COQ5: variants seen among roughly 807,000 people sequenced by gnomAD.
COQ5 encodes the protein 2-methoxy-6-polyprenyl-1,4-benzoquinol methylase, mitochondrial.
In COQ5, 27 loss-of-function variants were observed where a neutral mutation model predicts 40.5. The observed-to-expected ratio is 0.67, with a 90% CI of 0.49 to 0.92. The LOEUF is 0.92. Among genes scored for constraint, COQ5 ranks in the 40% least tolerant of loss-of-function variants. COQ5 has a pLI of 0.00. For missense variants in COQ5, 409 were observed against 406.4 expected, an observed-to-expected ratio of 1.01 and a Z score of -0.06; for synonymous variants, 141 against 150.0, an observed-to-expected ratio of 0.94 and a Z score of 0.44.
chr12:120,528,866 C>T (rs1300883279), intron 1 of COQ5, 74 bp downstream of exon 1: 6 of 1,357,330 alleles, frequency 4.4e-6, no homozygotes, highest in South Asian at 1.2e-5. Context: ...GATGTTAAAT[C>T]AACCCTAACT....
At chr12:120,509,886 G>A in intron 4 of COQ5, 131 bp downstream of exon 4, 1 of 728,436 alleles carries the variant, frequency 1.4e-6, no homozygotes, top group East Asian at 2.8e-5. Flanking sequence ...AGGAGTTTGA[G>A]ACTAGCCTGG....
chr12:120,519,007 A>G (rs2137088116), intron 2 of COQ5, among the ~76,000 whole-genome samples: 1 of 152,346 alleles, frequency 6.6e-6, no homozygotes, highest in East Asian at 1.9e-4. Context: ...GGGATATTGT[A>G]TACATTGTTA....
Position 120,510,106 on chromosome 12 carries a change from C to T in COQ5, c.592G>A (p.Gly198Arg), listed in dbSNP as rs1254800895. 1 of 1,613,726 alleles carries T rather than the reference C, an allele frequency of 6.2e-7. No homozygotes were observed. Among genetic ancestry groups the T allele is most frequent in the African/African-American group, 1.3e-5 (1 of 74,992 alleles). Reference sequence around the variant, plus strand: ...TCAAAGGGCAGTTCTTCAGCATCTCCTAATACCCATGCAAGTCCTGAAAGA... The same window carrying T: ...TCAAAGGGCAGTTCTTCAGCATCTCTTAATACCCATGCAAGTCCTGAAAGA... ...GYRAGLAWVL[G>R]DAEELPFDDD... Residue 198 changes from glycine to arginine, a missense_variant, in exon 4 of 7, where the codon GGA becomes AGA. Transcript: ENST00000288532.
At chr12:120,511,494 T>C (rs1869135952) in intron 3 of COQ5, among the ~76,000 whole-genome samples, 1 of 151,034 alleles carries the variant, frequency 6.6e-6, no homozygotes, top group African/African-American at 2.4e-5. Context: ...TCAGAAAGGT[T>C]TAAAGTCTGA....
intron 1 of COQ5, among the ~76,000 whole-genome samples, chr12:120,524,503 G>A (rs1199739614): frequency 2.0e-5 from 3 of 151,810 alleles, no homozygotes; most frequent in South Asian, 2.1e-4. Flanking sequence ...CTCGTGATCC[G>A]CCCGCCTCGG....
chr12:120,510,866 A>AGCCT (rs1691120129), intron 3 of COQ5, among the ~76,000 whole-genome samples: 1 of 152,162 alleles, frequency 6.6e-6, no homozygotes, highest in African/African-American at 2.4e-5. Context: ...AACATTATAC[A>AGCCT]ACCTACAGCG....
intron 1 of COQ5, chr12:120,523,449 C>T (rs1869774533): frequency 2.6e-6 from 1 of 378,460 alleles, no homozygotes; most frequent in Non-Finnish European, 5.1e-6. Flanking sequence ...GCCATGTCTG[C>T]ACTGGTCCTC....
chr12:120,511,253 T>C (rs1335812340), intron 3 of COQ5, among the ~76,000 whole-genome samples: 1 of 130,198 alleles, frequency 7.7e-6, no homozygotes, highest in Non-Finnish European at 1.7e-5. Context: ...CGAGACTCTG[T>C]CTCAAAAAAA....
chr12:120,528,819 A>C, intron 1 of COQ5, 121 bp downstream of exon 1: 3 of 976,074 alleles, frequency 3.1e-6, no homozygotes. Flanking sequence ...AAAAAAAAAA[A>C]TCATAACTGC....
chr12:120,510,524 G>A (rs73403943), intron 3 of COQ5, among the ~76,000 whole-genome samples: 24,859 of 151,942 alleles, frequency 0.16, 2,605 homozygotes, highest in African/African-American at 0.3. Context: ...ATCTTGCCCA[G>A]GCTGGTCTCA....
chr12:120,514,091 T>A (rs950528494), intron 3 of COQ5, among the ~76,000 whole-genome samples: 2 of 152,190 alleles, frequency 1.3e-5, no homozygotes, highest in Non-Finnish European at 2.9e-5. Flanking sequence ...CCGTTCTTTA[T>A]GGCTGAGTAC....
intron 4 of COQ5, among the ~76,000 whole-genome samples, chr12:120,508,629 G>A (rs1868988935): frequency 6.6e-6 from 1 of 152,176 alleles, no homozygotes; most frequent in African/African-American, 2.4e-5. Context: ...ACAAGAAGCT[G>A]GTGACTGTCT....
In COQ5 at chr12:120,522,265, T is replaced by G. The variant is rs776731777; in HGVS notation, c.301A>C (p.Lys101Gln). The change falls in exon 2 of 7, where the codon AAG (lysine) becomes CAG (glutamine). Residue 101 changes from lysine (K) to glutamine (Q), a missense_variant. Physicochemically the swap from Lys to Gln is moderately conservative, Grantham distance 53. Coordinates refer to ENST00000288532, the MANE Select transcript of COQ5 (RefSeq NM_032314.4). ...HRVWKDLLLW[K>Q]MHPLPGTQLL... is the part of the protein sequence containing the mutation. ...TGGGTCCCAGGAAGCGGGTGCATCT[T>G]CCAGAGCAGCAAATCCTTCCAAACA... 2 of 1,614,124 alleles carry G rather than the reference T, an allele frequency of 1.2e-6. No individual in the cohort carries two copies. The highest frequency in any genetic ancestry group is 2.2e-5 in the South Asian group (2 of 91,076).
intron 2 of COQ5, among the ~76,000 whole-genome samples, chr12:120,518,740 T>A (rs1374448649): frequency 6.6e-6 from 1 of 152,060 alleles, no homozygotes; most frequent in Admixed American, 6.6e-5. Flanking sequence ...AATTTTTGTA[T>A]TTTTAGTAGA....
At chr12:120,519,901 T>C (rs776339198) in intron 2 of COQ5, among the ~76,000 whole-genome samples, 1 of 147,746 alleles carries the variant, frequency 6.8e-6, no homozygotes, top group East Asian at 2.0e-4. Context: ...AGTGGGATCC[T>C]AGGCTTATAT....
chr12:120,522,938 G>C (rs1195300758), intron 1 of COQ5: 4 of 638,004 alleles, frequency 6.3e-6, no homozygotes, highest in Middle Eastern at 3.2e-4. Flanking sequence ...CCCTGGCACT[G>C]TTGGCCTGCA....
At chr12:120,523,371 C>A in intron 1 of COQ5, 3 of 352,930 alleles carry the variant, frequency 8.5e-6, no homozygotes, top group South Asian at 7.8e-5. Flanking sequence ...TCTTTGTGAT[C>A]GGGGTTTCTT....
intron 3 of COQ5, 67 bp from the exon 4 acceptor site, chr12:120,510,190 T>C (rs1869064792): frequency 4.8e-6 from 6 of 1,249,490 alleles, no homozygotes; most frequent in East Asian, 2.3e-5. Flanking sequence ...AGTGAATTCA[T>C]TTCATGTAGA....
Position 120,518,000 on chromosome 12 carries a change from T to G in COQ5, c.353-1212A>C, listed in dbSNP as rs373123326. ...TTTTGTATTTTTAGTAGAGATAGGG[T>G]TTCATCATGTTGGTCAGGCTGGTCT... is the stretch of plus-strand genomic sequence containing the variant. On this transcript the variant is annotated intron_variant, in intron 2 of 6. Transcript: ENST00000288532. 7.2e-5 allele frequency among the ~76,000 whole-genome samples: 11 copies of G among 151,898 alleles called. No homozygotes were observed. In the East Asian group the frequency reaches 2.0e-3, roughly 27 times the overall value.
Sources: allele counts gnomAD v4.1 joint callset (sites outside exome capture counted in the v4.1 genomes callset), GRCh38; gene constraint gnomAD v4.1.1; transcripts MANE v1.5; gene names NCBI Gene and HGNC (gene_info 2026-07-23, HGNC 2026-07-21).